Variants in IQSEC1 observed in about 807,000 individuals in gnomAD.
The protein encoded by IQSEC1 is IQ motif and SEC7 domain-containing protein 1.
IQSEC1 carries 31 observed loss-of-function variants against 91.0 expected under a neutral mutation model. That is an observed-to-expected ratio of 0.34 (90% CI 0.26 to 0.46). The LOEUF (loss-of-function observed/expected upper bound fraction) is 0.46. Ranked by LOEUF, IQSEC1 falls within the 20% of genes least tolerant of loss-of-function variation. The pLI, the probability that IQSEC1 is intolerant of heterozygous loss-of-function variation, is 1.00. For synonymous variants in IQSEC1, 699 were observed against 662.6 expected (o/e 1.05, Z -0.84); for missense variants, 1,388 against 1,575.6 (o/e 0.88, Z 2.02).
intron 2 of IQSEC1, among the ~76,000 whole-genome samples, chr3:13,148,588 C>T (rs967790644): frequency 1.3e-5 from 2 of 152,230 alleles, no homozygotes; most frequent in Admixed American, 1.3e-4. Context: ...GGGATTTGGC[C>T]TCCTGGGTGA....
At chr3:13,276,679 T>C (rs940847654) in intron 1 of IQSEC1, among the ~76,000 whole-genome samples, 1 of 152,206 alleles carries the variant, frequency 6.6e-6, no homozygotes, top group African/African-American at 2.4e-5. Flanking sequence ...CCAAGGCTGA[T>C]GGGCTGGAGA....
At chr3:12,956,599 TG>T (rs1379875519) in intron 1 of IQSEC1, among the ~76,000 whole-genome samples, 1 of 152,248 alleles carries the variant, frequency 6.6e-6, no homozygotes, top group Non-Finnish European at 1.5e-5. Flanking sequence ...ATCTGATACC[TG>T]GTGTTTATTC....
intron 2 of IQSEC1, among the ~76,000 whole-genome samples, chr3:13,096,292 T>C (rs953559124): frequency 1.3e-5 from 2 of 152,142 alleles, no homozygotes; most frequent in African/African-American, 4.8e-5. Flanking sequence ...CTCACAGTCT[T>C]GGAGGTGGGG....
In IQSEC1 at chr3:13,073,297, C is replaced by T. The variant is rs1705497865; in HGVS notation, c.-283G>A. 6.6e-6 allele frequency among the ~76,000 whole-genome samples: 1 copy of T among 152,136 alleles called. No individual in the cohort carries two copies. Among genetic ancestry groups the T allele is most frequent in the Admixed American group, 6.5e-5 (1 of 15,294 alleles). On this transcript the variant is annotated 5_prime_UTR_variant, in exon 1 of 14. Coordinates refer to ENST00000613206, the MANE Select transcript of IQSEC1 (RefSeq NM_001134382.3). ...GAGTAACCGTGGTCGCCAGGCTGGG[C>T]GGGGGCGTCCACCTCGCTGCTACCT...
At position 13,207,315 on chromosome 3, in the gene IQSEC1, A is replaced by G. The variant is rs1694361777; in HGVS notation, c.273-43182T>C. 6.6e-6 allele frequency among the ~76,000 whole-genome samples: 1 copy of G among 151,884 alleles called. No individual in the cohort carries two copies. Among genetic ancestry groups the G allele is most frequent in the Admixed American group, 6.6e-5 (1 of 15,258 alleles). ...ACATCCAGCCATGTCGGCAGGTCCT[A>G]ACAGCTTCCGCTCCAACACCCATCG... On this transcript the variant is annotated intron_variant, in intron 1 of 15. Transcript: ENST00000648114. The surrounding 1 kb of genome is among the most constrained non-coding windows in gnomAD (Gnocchi z 4.8).
chr3:12,933,573 G>A (rs928834227), intron 3 of IQSEC1, among the ~76,000 whole-genome samples: 3 of 152,266 alleles, frequency 2.0e-5, no homozygotes, highest in Non-Finnish European at 2.9e-5. Flanking sequence ...GCCCTGGGAG[G>A]AGGGTGCCCC....
chr3:13,016,078 G>A (rs1319577258), intron 1 of IQSEC1, among the ~76,000 whole-genome samples: 1 of 149,092 alleles, frequency 6.7e-6, no homozygotes, highest in Non-Finnish European at 1.5e-5. Context: ...TTAGCAGCTT[G>A]GGCCCAAAGG....
Position 12,899,667 on chromosome 3 carries a change from C to T in IQSEC1, c.*1316G>A, listed in dbSNP as rs934099668. 1.0e-6 allele frequency: 1 copy of T among 985,300 alleles called. No individual in the cohort carries two copies. The highest frequency in any genetic ancestry group is 1.7e-5 in the African/African-American group (1 of 57,224). 61.0% of individuals were successfully genotyped at this position (985,300 alleles called of 1,614,324 possible). A position where few individuals can be genotyped will look rare whatever the true frequency, so the allele number is the denominator to read the frequency against. ...ACACAGGGGTTCTGCTAGCACATGGCTACATGGAATTACGGTGATCACTGC... is the reference window on the plus strand; with the variant it reads ...ACACAGGGGTTCTGCTAGCACATGGTTACATGGAATTACGGTGATCACTGC... On this transcript the variant is annotated 3_prime_UTR_variant, in exon 14 of 14. Transcript: ENST00000613206.
rs184102050 is a variant in IQSEC1 at position 13,144,766 on chromosome 3, G to A, written c.302+19338C>T. On this transcript the variant is annotated intron_variant, in intron 2 of 15. Transcript: ENST00000648114. ...TCCACAGCCCAGCACCTGGAGGCAC[G>A]AAAAGGCCAGGACTGATAGCCCAGG... Among the ~76,000 whole-genome samples, 414 of 152,352 alleles carry A rather than the reference G, an allele frequency of 2.7e-3. 2 individuals carry two copies. Among genetic ancestry groups the A allele is most frequent in the African/African-American group, 9.3e-3 (388 of 41,596 alleles).
At chr3:12,980,800 C>T (rs1701412689) in intron 1 of IQSEC1, among the ~76,000 whole-genome samples, 1 of 152,182 alleles carries the variant, frequency 6.6e-6, no homozygotes, top group South Asian at 2.1e-4. Flanking sequence ...TGGTGAGCCT[C>T]TCACTGTCCA....
At position 12,901,484 on chromosome 3, in the gene IQSEC1, A is replaced by G; in HGVS notation, c.2844T>C (p.Ala948=). ...GAGATGGACACTCTCGTGTTGATGT[A>G]GCTCTCCGGCGCATGTGAGGACTGC... ...IISSPHMRRR[A]TSTRECPSRP... The change falls in exon 14 of 14, where the codon GCT becomes GCC. Residue 948 remains alanine (A), a synonymous_variant. Coordinates refer to ENST00000613206, the MANE Select transcript of IQSEC1 (RefSeq NM_001134382.3). The G allele has an allele frequency of 6.5e-7, 1 of 1,549,932 alleles. No individual in the cohort carries two copies.
intron 1 of IQSEC1, among the ~76,000 whole-genome samples, chr3:12,996,968 C>T (rs931578880): frequency 6.6e-6 from 1 of 152,180 alleles, no homozygotes; most frequent in African/African-American, 2.4e-5. Context: ...GATGGTGCAA[C>T]CAATCGGGAA....
At chr3:13,104,611 T>G (rs982384156) in intron 2 of IQSEC1, among the ~76,000 whole-genome samples, 4 of 152,112 alleles carry the variant, frequency 2.6e-5, no homozygotes. Context: ...TCTTAGCAGT[T>G]TCATCTCCAA....
In IQSEC1 at chr3:12,925,737, T is replaced by C. The variant is rs78384179; in HGVS notation, c.1569-995A>G. Among the ~76,000 whole-genome samples, 354 of 152,292 alleles carry C rather than the reference T, an allele frequency of 2.3e-3. 1 individual carries two copies. Among genetic ancestry groups the C allele is most frequent in the East Asian group, 7.0e-3 (36 of 5,172 alleles). ...AACCAGGCCTGGGCAGGGATGTGCATAGGGCACGGCATGTGTGTCGTGGGC... is the reference window on the plus strand; with the variant it reads ...AACCAGGCCTGGGCAGGGATGTGCACAGGGCACGGCATGTGTGTCGTGGGC... On this transcript the variant is annotated intron_variant, in intron 3 of 13. Transcript: ENST00000613206.
intron 1 of IQSEC1, among the ~76,000 whole-genome samples, chr3:13,012,823 T>C (rs1309924064): frequency 6.6e-6 from 1 of 152,228 alleles, no homozygotes; most frequent in Non-Finnish European, 1.5e-5. Flanking sequence ...TTTCTGCTTA[T>C]GCCCGTTAGG....
At chr3:12,905,085 A>G (rs1295580641) in intron 12 of IQSEC1, among the ~76,000 whole-genome samples, 1 of 152,242 alleles carries the variant, frequency 6.6e-6, no homozygotes, top group African/African-American at 2.4e-5. Flanking sequence ...ATAACTGCCC[A>G]CAGCCAGCCG....
At chr3:13,204,960 C>T (rs554187307) in intron 1 of IQSEC1, among the ~76,000 whole-genome samples, 41 of 151,974 alleles carry the variant, frequency 2.7e-4, no homozygotes, top group Admixed American at 6.6e-4. Flanking sequence ...ACCACCACGC[C>T]GGGCTTTTCG....
At chr3:13,045,462 G>C (rs1392003478) in intron 1 of IQSEC1, among the ~76,000 whole-genome samples, 1 of 152,162 alleles carries the variant, frequency 6.6e-6, no homozygotes, top group African/African-American at 2.4e-5. Flanking sequence ...GAGCTGAGGG[G>C]CTCCTACGGC....
rs1226663468 is a variant in IQSEC1, at chr3:13,028,569, C to T, written c.23+44423G>A. Among the ~76,000 whole-genome samples the T allele has an allele frequency of 3.9e-5, 6 of 152,210 alleles. No individual in the cohort carries two copies. In the South Asian group the frequency reaches 6.2e-4, roughly 16 times the overall value. On this transcript the variant is annotated intron_variant, in intron 1 of 13. Coordinates refer to ENST00000613206, the MANE Select transcript of IQSEC1 (RefSeq NM_001134382.3). ...AGAGCCAGACCCTAGAACTGGGTGC[C>T]TCTGCAGGTGGCATGGTCATGGGAC...
Sources: allele counts gnomAD v4.1 joint callset (sites outside exome capture counted in the v4.1 genomes callset), GRCh38; gene constraint gnomAD v4.1.1; non-coding constraint Gnocchi (gnomAD v3.1); transcripts MANE v1.5; gene names NCBI Gene and HGNC (gene_info 2026-07-23, HGNC 2026-07-21).